The following EYS variants were observed in gnomAD, a reference collection of about 807,000 sequenced individuals.
The protein encoded by EYS is EGF-like photoreceptor maintenance factor.
Under a neutral mutation model 282.1 loss-of-function variants are expected in EYS, and 250 were observed. The ratio of observed to expected loss-of-function variants is 0.89; its 90% CI spans 0.80 to 0.98. The LOEUF (loss-of-function observed/expected upper bound fraction) is 0.98, where lower values mean the gene tolerates loss of function less well. Among genes scored for constraint, EYS ranks in the 50% least tolerant of loss-of-function variants. The probability of loss-of-function intolerance (pLI) is 0.00; values close to 1 mark genes in which losing one functional copy is unlikely to be tolerated. For synonymous variants in EYS, 1,355 were observed against 1,282.9 expected, an observed-to-expected ratio of 1.06 and a Z score of -1.20; for missense variants, 4,016 against 3,709.0, an observed-to-expected ratio of 1.08 and a Z score of -2.15.
intron 22 of EYS, among the ~76,000 whole-genome samples, chr6:64,792,877 T>TGTGTGTGTGTGTGTGTGTGTGTGTG (rs1562194593): frequency 3.3e-5 from 5 of 152,026 alleles, no homozygotes; most frequent in South Asian, 2.1e-4. Context: ...TGTGTGTGTG[T>TGTGTGTGTGTGTGTGTGTGTGTGTG]TAGATGTAAC....
intron 29 of EYS, among the ~76,000 whole-genome samples, chr6:64,360,260 G>A (rs1203810377): frequency 1.3e-5 from 2 of 151,662 alleles, no homozygotes; most frequent in Non-Finnish European, 3.0e-5. Context: ...CCACTTGGTT[G>A]TATATATTTA....
chr6:65,180,776 T>TCAG, intron 12 of EYS, among the ~76,000 whole-genome samples: 1 of 152,246 alleles, frequency 6.6e-6, no homozygotes, highest in East Asian at 1.9e-4. Flanking sequence ...AGAACAAAGC[T>TCAG]GGAGGCATCA....
intron 33 of EYS, among the ~76,000 whole-genome samples, chr6:64,021,674 C>T (rs933233909): frequency 2.0e-4 from 31 of 152,010 alleles, no homozygotes; most frequent in African/African-American, 7.0e-4. Context: ...GTAGGGAATA[C>T]ATTCACTACA....
At chr6:65,686,103 C>G (rs1562327893) in intron 1 of EYS, among the ~76,000 whole-genome samples, 1 of 152,040 alleles carries the variant, frequency 6.6e-6, no homozygotes, top group African/African-American at 2.4e-5. Context: ...CACCCTACAT[C>G]TAATGATAGC....
intron 26 of EYS, among the ~76,000 whole-genome samples, chr6:64,527,912 A>T (rs761029401): frequency 6.6e-6 from 1 of 151,860 alleles, no homozygotes; most frequent in Non-Finnish European, 1.5e-5. Flanking sequence ...GTTATCATTT[A>T]GAGAAAAACA....
At chr6:65,105,590 C>T (rs1021486496) in intron 12 of EYS, among the ~76,000 whole-genome samples, 1 of 151,800 alleles carries the variant, frequency 6.6e-6, no homozygotes, top group Non-Finnish European at 1.5e-5. Flanking sequence ...TGGAAATAGT[C>T]ACATTTGCAT....
chr6:65,133,822 G>T (rs1775949346), intron 12 of EYS, among the ~76,000 whole-genome samples: 1 of 151,414 alleles, frequency 6.6e-6, no homozygotes, highest in African/African-American at 2.4e-5. Context: ...CTATCAACAG[G>T]GTAAACAGAC....
At chr6:65,478,312 A>T (rs1426025855) in intron 5 of EYS, among the ~76,000 whole-genome samples, 6 of 152,192 alleles carry the variant, frequency 3.9e-5, no homozygotes, top group African/African-American at 1.4e-4. Flanking sequence ...TTATAAAAGT[A>T]GATAGACATA....
chr6:64,040,348 A>AG (rs2149836742), intron 33 of EYS, among the ~76,000 whole-genome samples: 1 of 152,262 alleles, frequency 6.6e-6, no homozygotes, highest in Admixed American at 6.5e-5. Context: ...CTTAAGTGTA[A>AG]TTTGGAATTG....
At chr6:63,754,636 G>T (rs948282638) in intron 41 of EYS, among the ~76,000 whole-genome samples, 3 of 152,176 alleles carry the variant, frequency 2.0e-5, no homozygotes, top group Non-Finnish European at 2.9e-5. Context: ...ATTGTGAATA[G>T]TGCCACAATA....
intron 2 of EYS, among the ~76,000 whole-genome samples, chr6:65,582,221 A>ATAAG (rs2127361318): frequency 6.6e-6 from 1 of 151,350 alleles, no homozygotes; most frequent in East Asian, 1.9e-4. Flanking sequence ...AAATAAATAA[A>ATAAG]TAAATAAATA....
intron 22 of EYS, among the ~76,000 whole-genome samples, chr6:64,652,587 A>G (rs1415102493): frequency 1.3e-5 from 2 of 152,206 alleles, no homozygotes; most frequent in African/African-American, 4.8e-5. Flanking sequence ...GACTCTGGAC[A>G]GAGAACCAGT....
chr6:63,817,680 T>A (rs1376169910), intron 36 of EYS, among the ~76,000 whole-genome samples: 1 of 152,256 alleles, frequency 6.6e-6, no homozygotes, highest in East Asian at 1.9e-4. Flanking sequence ...TCCAGATTCC[T>A]GGAACTGGTC....
chr6:63,839,900 A>T (rs1771907089), intron 36 of EYS, among the ~76,000 whole-genome samples: 1 of 152,176 alleles, frequency 6.6e-6, no homozygotes. Flanking sequence ...GATAATAACC[A>T]TTTTAACTGG....
intron 2 of EYS, among the ~76,000 whole-genome samples, chr6:65,586,770 G>A (rs1765063080): frequency 6.6e-6 from 1 of 152,050 alleles, no homozygotes; most frequent in Admixed American, 6.6e-5. Flanking sequence ...TTGAGTAGTA[G>A]TGTGTACATT....
intron 22 of EYS, among the ~76,000 whole-genome samples, chr6:64,741,287 T>A (rs1244024553): frequency 6.6e-6 from 1 of 152,188 alleles, no homozygotes; most frequent in African/African-American, 2.4e-5. Flanking sequence ...ATTTTTAATT[T>A]TTTTTCTGCT....
At chr6:64,651,572 C>T (rs1036130445) in intron 22 of EYS, among the ~76,000 whole-genome samples, 3 of 152,262 alleles carry the variant, frequency 2.0e-5, no homozygotes. Context: ...AATCCCATCA[C>T]ATCGGGAGGC....
chr6:65,416,055 T>C (rs190084440), intron 5 of EYS, among the ~76,000 whole-genome samples: 1 of 152,004 alleles, frequency 6.6e-6, no homozygotes, highest in Non-Finnish European at 1.5e-5. Context: ...ACACACCATA[T>C]AATTTAATTG....
At chr6:64,963,095 G>T (rs1769979281) in intron 14 of EYS, among the ~76,000 whole-genome samples, 1 of 152,120 alleles carries the variant, frequency 6.6e-6, no homozygotes, top group Non-Finnish European at 1.5e-5. Context: ...ACAGACAATG[G>T]TTTATCTTTC....
Sources: allele counts gnomAD v4.1 joint callset (sites outside exome capture counted in the v4.1 genomes callset), GRCh38; gene constraint gnomAD v4.1.1; transcripts MANE v1.5; gene names NCBI Gene and HGNC (gene_info 2026-07-23, HGNC 2026-07-21).